The following POU3F3 variants were observed in gnomAD, a reference collection of about 807,000 sequenced individuals.
POU3F3 encodes the protein POU class 3 homeobox 3.
A neutral mutation model predicts 8.6 loss-of-function variants in POU3F3; 1 was observed. That is an observed-to-expected ratio of 0.12 (90% confidence interval 0.04 to 0.55). The LOEUF (loss-of-function observed/expected upper bound fraction) is 0.55. Ranked by LOEUF, POU3F3 falls within the 20% of genes least tolerant of loss-of-function variation. The pLI, the probability that POU3F3 is intolerant of heterozygous loss-of-function variation, is 0.91. For synonymous variants in POU3F3, 418 were observed against 327.4 expected (o/e 1.28, Z -2.99); for missense variants, 577 against 690.7 (o/e 0.84, Z 1.84).
rs1269367592 is a variant in POU3F3, at chr2:104,854,724, A to AG, written c.-782dup. Among the ~76,000 whole-genome samples the AG allele has an allele frequency of 6.6e-6, 1 of 152,128 alleles. No homozygotes were observed. Among genetic ancestry groups the AG allele is most frequent in the Middle Eastern group, 3.2e-3 (1 of 316 alleles). ...ACAAAACTTGAAACGAGAGGACCAGAGGGGGAGAGCAGGAGCCAGCCTCCC... is the reference window on the plus strand; with the variant it reads ...ACAAAACTTGAAACGAGAGGACCAGAGGGGGGAGAGCAGGAGCCAGCCTCCC... On this transcript the variant is annotated 5_prime_UTR_variant, in exon 1 of 1. Transcript: ENST00000361360. This position sits in a 1 kb window ranked among gnomAD's most constrained non-coding sequence, Gnocchi z 4.5.
the POU3F3 span, among the ~76,000 whole-genome samples, chr2:104,865,014 G>A: frequency 6.6e-6 from 1 of 152,208 alleles, no homozygotes; most frequent in Non-Finnish European, 1.5e-5. Flanking sequence ...TACCAAAATT[G>A]TATCTGTAAA....
chr2:104,868,365 C>G, the POU3F3 span: 3 of 456,642 alleles, frequency 6.6e-6, no homozygotes, highest in Non-Finnish European at 1.3e-5. Context: ...TCTCCTCCGC[C>G]GACAAAGTGG....
the POU3F3 span, among the ~76,000 whole-genome samples, chr2:104,918,383 A>G: frequency 6.6e-6 from 1 of 152,244 alleles, no homozygotes; most frequent in Non-Finnish European, 1.5e-5. Context: ...CAAAATTCAT[A>G]TGTTCAAGTT....
chr2:104,927,204 C>T, the POU3F3 span, among the ~76,000 whole-genome samples: 1 of 152,184 alleles, frequency 6.6e-6, no homozygotes, highest in Non-Finnish European at 1.5e-5. Flanking sequence ...CTCATGAGGG[C>T]TCTGCCTTCA....
the POU3F3 span, among the ~76,000 whole-genome samples, chr2:104,911,867 G>C: frequency 6.6e-6 from 1 of 152,052 alleles, no homozygotes; most frequent in Non-Finnish European, 1.5e-5. Flanking sequence ...GAAGCTGTAA[G>C]TGACACAGAA....
the POU3F3 span, among the ~76,000 whole-genome samples, chr2:104,895,062 A>AGTGTGTGTGT: frequency 2.0e-4 from 30 of 149,374 alleles, 1 homozygote; most frequent in African/African-American, 7.1e-4. Context: ...TGCACAGGTG[A>AGTGTGTGTGT]GTGTGTGTGT....
chr2:104,887,512 A>T, the POU3F3 span, among the ~76,000 whole-genome samples: 1 of 152,238 alleles, frequency 6.6e-6, no homozygotes, highest in Non-Finnish European at 1.5e-5. Context: ...TTCTTCCAAG[A>T]GGACTTTAAA....
chr2:104,890,696 C>A, the POU3F3 span, among the ~76,000 whole-genome samples: 2 of 152,164 alleles, frequency 1.3e-5, no homozygotes, highest in Non-Finnish European at 2.9e-5. Context: ...ACCTGCTGGG[C>A]CTTAGCAGGC....
chr2:104,926,437 T>A, the POU3F3 span, among the ~76,000 whole-genome samples: 1 of 152,060 alleles, frequency 6.6e-6, no homozygotes, highest in African/African-American at 2.4e-5. Flanking sequence ...ATAGTGATGA[T>A]TAAAAAGTCA....
the POU3F3 span, among the ~76,000 whole-genome samples, chr2:104,884,515 C>G: frequency 1.3e-5 from 2 of 152,244 alleles, no homozygotes; most frequent in African/African-American, 4.8e-5. Flanking sequence ...CAAGAAGAAA[C>G]CTGGAAGCTG....
In POU3F3 at chr2:104,855,793, C is replaced by A; in HGVS notation, c.283C>A (p.His95Asn). Residue 95 changes from histidine to asparagine, a missense_variant, in exon 1 of 1, where the codon CAC becomes AAC. His to Asn is a moderately conservative substitution (Grantham distance 68). Coordinates refer to ENST00000361360, the MANE Select transcript of POU3F3 (RefSeq NM_006236.3). ...CGGCGGCCATATGCTGAGCCACGCG[C>A]ACCAGTGGGTCACAGCCCTGCCCCA... Reference protein sequence around the residue: ...SNGGHMLSHAHQWVTALPHAA... With the variant: ...SNGGHMLSHANQWVTALPHAA... 2 of 1,311,504 alleles carry A rather than the reference C, an allele frequency of 1.5e-6. No homozygotes were observed. The highest frequency in any genetic ancestry group is 9.9e-7 in the Non-Finnish European group (1 of 1,010,178). 81.2% of individuals were successfully genotyped at this position (1,311,504 alleles called of 1,614,324 possible). A position where few individuals can be genotyped will look rare whatever the true frequency, so the allele number is the denominator to read the frequency against.
Position 104,856,288 on chromosome 2 carries a change from G to T in POU3F3, c.778G>T (p.Val260Leu). Residue 260 changes from valine to leucine, a missense_variant, in exon 1 of 1, where the codon GTG (valine) becomes TTG (leucine). By Grantham distance (32) the Val-to-Leu change is conservative. Around this residue, in one of 7 missense-constraint regions of POU3F3, gnomAD observed 484 missense variants for 422.6 expected, o/e 1.15. Transcript: ENST00000361360. ...CCAGAGCTTGGTGCACCCGGGGCTG[G>T]TGCGCGGGGACACGCCAGAGCTGGC... ...GAQSLVHPGLVRGDTPELAEH... is the reference protein window; with the variant it reads ...GAQSLVHPGLLRGDTPELAEH... The T allele has an allele frequency of 6.8e-7, 1 of 1,477,444 alleles. No homozygotes were observed. Among genetic ancestry groups the T allele is most frequent in the East Asian group, 2.6e-5 (1 of 38,542 alleles). 91.5% of individuals were successfully genotyped at this position (1,477,444 alleles called of 1,614,324 possible).
At chr2:104,875,587 A>T in the POU3F3 span, among the ~76,000 whole-genome samples, 3 of 151,874 alleles carry the variant, frequency 2.0e-5, no homozygotes, top group Admixed American at 6.6e-5. Flanking sequence ...TTTTTTTTTT[A>T]AAGAGCAAAT....
the POU3F3 span, among the ~76,000 whole-genome samples, chr2:104,905,156 A>G: frequency 6.6e-6 from 1 of 152,330 alleles, no homozygotes; most frequent in Admixed American, 6.5e-5. Flanking sequence ...CTGTTAGCTC[A>G]ATAACACGAC....
chr2:104,855,955 G>A lies in POU3F3; in HGVS notation c.445G>A (p.Val149Met), dbSNP rs977525138. The A allele has an allele frequency of 2.0e-5, 21 of 1,054,584 alleles. No individual in the cohort carries two copies. Among genetic ancestry groups the A allele is most frequent in the Non-Finnish European group, 2.2e-5 (19 of 873,818 alleles). The allele number at this position is 1,054,584 out of a possible 1,614,324, so 65.3% of individuals were successfully genotyped here. A position where few individuals can be genotyped will look rare whatever the true frequency, so the allele number is the denominator to read the frequency against. Residue 149 changes from valine (V) to methionine (M), a missense_variant, in exon 1 of 1, where the codon GTG (valine) becomes ATG (methionine). Val to Met is a conservative substitution (Grantham distance 21). This residue lies in a region of POU3F3 where 484 missense variants were observed against 422.6 expected (regional missense o/e 1.15). Coordinates refer to ENST00000361360, the MANE Select transcript of POU3F3 (RefSeq NM_006236.3). ...PPPPPPQGPDVKGGAGRDDLH... is the reference protein window; with the variant it reads ...PPPPPPQGPDMKGGAGRDDLH... ...GCCGCCACCGCCGCAGGGCCCCGACGTGAAGGGCGGCGCCGGGCGCGACGA... is the reference window on the plus strand; with the variant it reads ...GCCGCCACCGCCGCAGGGCCCCGACATGAAGGGCGGCGCCGGGCGCGACGA...
chr2:104,924,556 T>C, the POU3F3 span, among the ~76,000 whole-genome samples: 2 of 152,332 alleles, frequency 1.3e-5, no homozygotes, highest in African/African-American at 4.8e-5. Context: ...AAGCATCACA[T>C]TTCACAACTT....
At chr2:104,912,673 G>T in the POU3F3 span, among the ~76,000 whole-genome samples, 1 of 152,242 alleles carries the variant, frequency 6.6e-6, no homozygotes, top group Admixed American at 6.5e-5. Flanking sequence ...CATTGAGCAC[G>T]ACCCAGGTCA....
At chr2:104,884,456 G>A in the POU3F3 span, among the ~76,000 whole-genome samples, 1 of 152,128 alleles carries the variant, frequency 6.6e-6, no homozygotes, top group Admixed American at 6.5e-5. Flanking sequence ...TCCAACTAAT[G>A]GCTGTATATC....
the POU3F3 span, among the ~76,000 whole-genome samples, chr2:104,925,077 T>C: frequency 6.6e-6 from 1 of 152,208 alleles, no homozygotes; most frequent in East Asian, 1.9e-4. Context: ...AAATTAATCC[T>C]TGGAAAAGTG....
Sources: gnomAD v4.1 joint callset for allele counts (sites outside exome capture counted in the v4.1 genomes callset) on GRCh38, gnomAD v4.1.1 for gene constraint, gnomAD v4.1.1 regional missense constraint, Gnocchi (gnomAD v3.1) non-coding constraint, MANE v1.5 for transcripts, NCBI Gene and HGNC (gene_info 2026-07-23, HGNC 2026-07-21) for gene names.